NRAS: variants seen among roughly 807,000 people sequenced by gnomAD.
NRAS encodes GTPase NRas.
Under a neutral mutation model 21.3 loss-of-function variants are expected in NRAS, and 6 were observed. The ratio of observed to expected loss-of-function variants is 0.28; its 90% CI spans 0.15 to 0.56. The LOEUF (loss-of-function observed/expected upper bound fraction) is 0.56, where lower values mean the gene tolerates loss of function less well. Among genes scored for constraint, NRAS ranks in the 20% least tolerant of loss-of-function variants. The pLI, the probability that NRAS is intolerant of heterozygous loss-of-function variation, is 0.93. For missense variants in NRAS, 143 were observed against 231.3 expected (o/e 0.62, Z 2.48); for synonymous variants, 84 against 82.0 (o/e 1.02, Z -0.13).
intron 1 of NRAS, 131 bp downstream of exon 1, chr1:114,716,527 G>A: frequency 2.8e-6 from 1 of 358,098 alleles, no homozygotes; most frequent in Non-Finnish European, 5.4e-6. Flanking sequence ...CCCCACGTAG[G>A]CACCAAATGG....
rs866916949 is a variant in NRAS at position 114,716,753 on chromosome 1, G to C, written c.-113C>G. On this transcript the variant is annotated 5_prime_UTR_variant, in exon 1 of 7. Transcript: ENST00000369535. Reference sequence around the variant, plus strand: ...ACCGCCATGAACAGCCCCCACCAAGGAGCGGCACTTCCGGCCCCGCCCGCT... The same window carrying C: ...ACCGCCATGAACAGCCCCCACCAAGCAGCGGCACTTCCGGCCCCGCCCGCT... The C allele has an allele frequency of 1.9e-5, 3 of 155,142 alleles. No homozygotes were observed. The highest frequency in any genetic ancestry group is 7.2e-5 in the African/African-American group (3 of 41,454). The allele number at this position is 155,142 out of a possible 1,614,324, so 9.6% of individuals were successfully genotyped here. A position where few individuals can be genotyped will look rare whatever the true frequency, so the allele number is the denominator to read the frequency against.
chr1:114,715,975 A>T, intron 2 of NRAS, 75 bp downstream of exon 2: 1 of 927,902 alleles, frequency 1.1e-6, no homozygotes, highest in Non-Finnish European at 1.8e-6. Flanking sequence ...TTATTCCTTT[A>T]ATACAGAATA....
intron 2 of NRAS, among the ~76,000 whole-genome samples, chr1:114,715,052 G>A (rs9724623): frequency 7.2e-4 from 109 of 152,202 alleles, no homozygotes; most frequent in African/African-American, 2.4e-3. Flanking sequence ...TTTTTGAGAC[G>A]AAGTCTCGCT....
Position 114,706,352 on chromosome 1 carries a change from T to C in NRAS, c.*1742A>G, listed in dbSNP as rs1367864518. The C allele has an allele frequency of 6.6e-6, 1 of 152,232 alleles. No individual in the cohort carries two copies. The highest frequency in any genetic ancestry group is 1.5e-5 in the Non-Finnish European group (1 of 68,040). 9.4% of individuals were successfully genotyped at this position (152,232 alleles called of 1,614,324 possible). A position where few individuals can be genotyped will look rare whatever the true frequency, so the allele number is the denominator to read the frequency against. ...AAAAGTTATCCAAGTCTATTTTTCA[T>C]GAGAATTACCAGGGTATTATCTGCA... is the stretch of plus-strand genomic sequence containing the variant. On this transcript the variant is annotated 3_prime_UTR_variant, in exon 7 of 7. Coordinates refer to ENST00000369535, the MANE Select transcript of NRAS (RefSeq NM_002524.5).
chr1:114,712,173 T>C (rs1659063647), intron 3 of NRAS, among the ~76,000 whole-genome samples: 1 of 152,092 alleles, frequency 6.6e-6, no homozygotes, highest in South Asian at 2.1e-4. Context: ...CATGGGAAAA[T>C]TTCCTTCTAG....
intron 1 of NRAS, among the ~76,000 whole-genome samples, chr1:114,716,398 G>A (rs922414581): frequency 4.6e-5 from 7 of 151,982 alleles, no homozygotes; most frequent in African/African-American, 1.5e-4. Flanking sequence ...CTTGGGCCCC[G>A]CCCTCAGCCT....
chr1:114,711,238 T>C (rs148067950), intron 3 of NRAS, among the ~76,000 whole-genome samples: 65 of 151,926 alleles, frequency 4.3e-4, no homozygotes, highest in African/African-American at 1.6e-3. Flanking sequence ...CCCTGAGAGG[T>C]TGAACCCTGA....
intron 2 of NRAS, among the ~76,000 whole-genome samples, chr1:114,715,771 A>G (rs532567978): frequency 6.6e-6 from 1 of 152,332 alleles, no homozygotes; most frequent in Admixed American, 6.5e-5. Context: ...TTTCTCATGT[A>G]ATAGAGCTGT....
At chr1:114,711,564 G>A (rs1417977455) in intron 3 of NRAS, among the ~76,000 whole-genome samples, 10 of 146,020 alleles carry the variant, frequency 6.8e-5, no homozygotes, top group Non-Finnish European at 1.5e-4. Flanking sequence ...TCGCACCACC[G>A]TACTCCATCC....
chr1:114,714,000 G>A (rs1268364895), intron 2 of NRAS, 22 bp from the exon 3 acceptor site: 2 of 1,366,782 alleles, frequency 1.5e-6, no homozygotes, highest in Non-Finnish European at 2.1e-6. Context: ...GAGGGTAAGG[G>A]GGCAGGGAGG....
chr1:114,715,768 T>G (rs565159365), intron 2 of NRAS, among the ~76,000 whole-genome samples: 1 of 152,218 alleles, frequency 6.6e-6, no homozygotes, highest in Non-Finnish European at 1.5e-5. Flanking sequence ...GTGTTTCTCA[T>G]GTAATAGAGC....
rs548807230 is a variant in NRAS at position 114,715,938 on chromosome 1, C to A, written c.111+112G>T. On this transcript the variant is annotated intron_variant, in intron 2 of 6. Coordinates refer to ENST00000369535, the MANE Select transcript of NRAS (RefSeq NM_002524.5). ...CTTATTGCATAACTGAATGTATACC[C>A]AAAATAACTTTTTACTTTCTCTCCT... is the stretch of plus-strand genomic sequence containing the variant. 8 of 761,174 alleles carry A rather than the reference C, an allele frequency of 1.1e-5. No individual in the cohort carries two copies. In the East Asian group the frequency reaches 2.1e-4, roughly 20 times the overall value. 47.2% of individuals were successfully genotyped at this position (761,174 alleles called of 1,614,324 possible).
rs2101742241 is a variant in NRAS at position 114,713,993 on chromosome 1, G to A, written c.112-15C>T. On this transcript the variant is annotated splice_polypyrimidine_tract_variant and intron_variant, in intron 2 of 6. Coordinates refer to ENST00000369535, the MANE Select transcript of NRAS (RefSeq NM_002524.5). ...CTGTAAGAATCCTGGGGGTGTGGAG[G>A]GTAAGGGGGCAGGGAGGGAGGGAAG... The A allele has an allele frequency of 6.6e-7, 1 of 1,525,866 alleles. No homozygotes were observed. The highest frequency in any genetic ancestry group is 1.1e-5 in the South Asian group (1 of 87,458). The allele number at this position is 1,525,866 out of a possible 1,614,324, so 94.5% of individuals were successfully genotyped here.
At chr1:114,709,451 A>T in intron 4 of NRAS, 118 bp downstream of exon 4, 1 of 885,468 alleles carries the variant, frequency 1.1e-6, no homozygotes, top group South Asian at 1.6e-5. Flanking sequence ...AATAAAAAAT[A>T]AAAAAATAAA....
intron 2 of NRAS, among the ~76,000 whole-genome samples, chr1:114,715,342 A>C (rs918971449): frequency 1.3e-5 from 2 of 152,188 alleles, no homozygotes; most frequent in Non-Finnish European, 2.9e-5. Flanking sequence ...TTATTTAAAG[A>C]GCCTTAGGTG....
intron 2 of NRAS, among the ~76,000 whole-genome samples, chr1:114,714,403 A>G (rs182027195): frequency 6.6e-6 from 1 of 152,300 alleles, no homozygotes; most frequent in East Asian, 1.9e-4. Flanking sequence ...ACCTGGCCCT[A>G]TATACATCAT....
rs1487716637 is a variant in NRAS, at chr1:114,706,555, C to G, written c.*1539G>C. The G allele has an allele frequency of 1.3e-5, 2 of 152,116 alleles. No homozygotes were observed. The highest frequency in any genetic ancestry group is 2.9e-5 in the Non-Finnish European group (2 of 68,018). The allele number at this position is 152,116 out of a possible 1,614,324, so 9.4% of individuals were successfully genotyped here. ...AAAGAGAATTTAAAACGTTTCTCAG[C>G]TGAGACATCCTCATTCTCAAATGAG... On this transcript the variant is annotated 3_prime_UTR_variant, in exon 7 of 7. Coordinates refer to ENST00000369535, the MANE Select transcript of NRAS (RefSeq NM_002524.5).
rs1033697938 is a variant in NRAS, at chr1:114,706,110, G to A, written c.*1984C>T. On this transcript the variant is annotated 3_prime_UTR_variant, in exon 7 of 7. Coordinates refer to ENST00000369535, the MANE Select transcript of NRAS (RefSeq NM_002524.5). ...GAATTTCCATTTACAAATGATGACA[G>A]TACTGTGAAAGCTCCCAGAATTAGC... 4 of 152,338 alleles carry A rather than the reference G, an allele frequency of 2.6e-5. 1 individual carries two copies. In the South Asian group the frequency reaches 8.3e-4, roughly 32 times the overall value. 9.4% of individuals were successfully genotyped at this position (152,338 alleles called of 1,614,324 possible).
intron 4 of NRAS, 56 bp downstream of exon 4, chr1:114,709,513 C>A (rs970674495): frequency 1.5e-6 from 2 of 1,360,340 alleles, no homozygotes; most frequent in Non-Finnish European, 1.1e-6. Flanking sequence ...CACATCTCTA[C>A]CAGAGTTAAT....
Sources: allele counts gnomAD v4.1 joint callset (sites outside exome capture counted in the v4.1 genomes callset), GRCh38; gene constraint gnomAD v4.1.1; transcripts MANE v1.5; gene names NCBI Gene and HGNC (gene_info 2026-07-23, HGNC 2026-07-21).